GPR137C: variants seen among roughly 807,000 people sequenced by gnomAD.
GPR137C encodes the protein G protein-coupled receptor 137C, also known as integral membrane protein GPR137C.
Under a neutral mutation model 43.4 loss-of-function variants are expected in GPR137C, and 27 were observed. The observed-to-expected ratio is 0.62, with a 90% CI of 0.46 to 0.86. GPR137C has a LOEUF of 0.86. Among genes scored for constraint, GPR137C ranks in the 40% least tolerant of loss-of-function variants. GPR137C has a pLI of 0.00. For missense variants in GPR137C, 522 were observed against 534.6 expected, an observed-to-expected ratio of 0.98 and a Z score of 0.23; for synonymous variants, 285 against 226.9, an observed-to-expected ratio of 1.26 and a Z score of -2.30.
chr14:52,553,510 C>G lies in GPR137C; in HGVS notation c.363C>G (p.Phe121Leu). ...TCCGGCCGCCCGCTCACCTGCACTT[C>G]TTCCCCCACTGGCTGCTCTACTGCT... The part of the protein sequence containing the change: ...PLLRPPAHLH[F>L]FPHWLLYCFP... Residue 121 changes from phenylalanine (F) to leucine (L), a missense_variant, in exon 1 of 7, where the codon TTC (phenylalanine) becomes TTG (leucine). By Grantham distance (22) the Phe-to-Leu change is conservative (BLOSUM62 0). Around this residue, in one of 3 missense-constraint regions of GPR137C, gnomAD observed 437 missense variants for 425.7 expected, o/e 1.03. Transcript: ENST00000321662. 6.2e-7 allele frequency: 1 copy of G among 1,609,408 alleles called. No homozygotes were observed.
Position 52,553,384 on chromosome 14 carries a change from G to A in GPR137C, c.237G>A (p.Leu79=). The A allele has an allele frequency of 6.2e-7, 1 of 1,605,968 alleles. No homozygotes were observed. The highest frequency in any genetic ancestry group is 8.5e-7 in the Non-Finnish European group (1 of 1,179,450). The part of the protein sequence containing the change: ...WRLLLYRERR[L]SYQSLCLFLC... ...TGCTCCTGTACCGCGAGCGGCGGCT[G>A]AGTTACCAGAGCCTCTGCCTCTTCC... Residue 79 remains leucine, a synonymous_variant, in exon 1 of 7, where the codon CTG becomes CTA. Transcript: ENST00000321662.
intron 1 of GPR137C, among the ~76,000 whole-genome samples, chr14:52,582,511 TGG>T (rs1365382732): frequency 6.6e-6 from 1 of 152,214 alleles, no homozygotes; most frequent in East Asian, 1.9e-4. Context: ...TGGAAATATC[TGG>T]CCGGGCATGG....
At chr14:52,578,954 A>G (rs1434370114) in intron 1 of GPR137C, among the ~76,000 whole-genome samples, 1 of 152,144 alleles carries the variant, frequency 6.6e-6, no homozygotes, top group African/African-American at 2.4e-5. Flanking sequence ...CAAAAAAAAA[A>G]AAAAAGAATG....
intron 1 of GPR137C, among the ~76,000 whole-genome samples, chr14:52,586,183 C>T (rs2038711485): frequency 6.6e-6 from 1 of 152,164 alleles, no homozygotes; most frequent in Admixed American, 6.6e-5. Context: ...TCCTTCTGAC[C>T]TTAAAGTAAA....
chr14:52,553,367 T>A lies in GPR137C; in HGVS notation c.220T>A (p.Tyr74Asn). The A allele has an allele frequency of 6.2e-7, 1 of 1,604,706 alleles. No homozygotes were observed. Among genetic ancestry groups the A allele is most frequent in the Non-Finnish European group, 8.5e-7 (1 of 1,179,134 alleles). ...CCTGCAGCTGTGGCGGCTGCTCCTG[T>A]ACCGCGAGCGGCGGCTGAGTTACCA... ...AYLQLWRLLLYRERRLSYQSL... is the reference protein window; with the variant it reads ...AYLQLWRLLLNRERRLSYQSL... Residue 74 changes from tyrosine to asparagine, a missense_variant, in exon 1 of 7, where the codon TAC (tyrosine) becomes AAC (asparagine). Physicochemically the swap from Tyr to Asn is moderately radical, Grantham distance 143 (BLOSUM62 -2). Coordinates refer to ENST00000321662, the MANE Select transcript of GPR137C (RefSeq NM_001099652.2).
intron 3 of GPR137C, among the ~76,000 whole-genome samples, chr14:52,619,386 T>G (rs889018387): frequency 2.2e-4 from 34 of 152,162 alleles, no homozygotes; most frequent in African/African-American, 8.0e-4. Context: ...GATTGCCACC[T>G]TCCTAATATT....
In GPR137C at chr14:52,610,029, C is replaced by T. The variant is rs190755222; in HGVS notation, c.717+9688C>T. On this transcript the variant is annotated intron_variant, in intron 3 of 6. Transcript: ENST00000321662. ...AGACTTTGTATTGTATATATTGTTC[C>T]CTCTGCCTAAATTGCATTTTCTACA... Among the ~76,000 whole-genome samples, 160 of 152,198 alleles carry T rather than the reference C, an allele frequency of 1.1e-3. 1 individual carries two copies. The highest frequency in any genetic ancestry group is 3.6e-3 in the African/African-American group (150 of 41,526).
chr14:52,629,019 A>G (rs113264544), intron 3 of GPR137C, among the ~76,000 whole-genome samples: 1 of 152,364 alleles, frequency 6.6e-6, no homozygotes, highest in African/African-American at 2.4e-5. Context: ...CAAATGGCCA[A>G]TAACACAATA....
intron 1 of GPR137C, among the ~76,000 whole-genome samples, chr14:52,584,498 T>C (rs891781247): frequency 6.6e-6 from 1 of 152,182 alleles, no homozygotes; most frequent in Non-Finnish European, 1.5e-5. Context: ...CTTTTGTGCA[T>C]GTTTGTGGTC....
At chr14:52,634,072 A>C in intron 6 of GPR137C, 126 bp downstream of exon 6, 1 of 649,852 alleles carries the variant, frequency 1.5e-6, no homozygotes, top group Non-Finnish European at 2.8e-6. Context: ...TAAGATCGGC[A>C]ATACTGGAGT....
chr14:52,611,866 T>C (rs1014934651), intron 3 of GPR137C: 1 of 810,486 alleles, frequency 1.2e-6, no homozygotes, highest in Non-Finnish European at 1.5e-6. Context: ...GTATGGAAAG[T>C]CATAGTATAT....
chr14:52,559,263 C>T (rs1160593961), intron 1 of GPR137C, among the ~76,000 whole-genome samples: 4 of 152,014 alleles, frequency 2.6e-5, no homozygotes. Flanking sequence ...GTAGTTCCAG[C>T]TACCCGGGAA....
intron 1 of GPR137C, among the ~76,000 whole-genome samples, chr14:52,570,344 A>G (rs1056989675): frequency 2.6e-5 from 4 of 152,196 alleles, no homozygotes; most frequent in African/African-American, 9.7e-5. Context: ...CTTCTGAAGG[A>G]AGCACTAAAT....
chr14:52,564,263 A>G (rs2139443232), intron 1 of GPR137C, among the ~76,000 whole-genome samples: 1 of 132,942 alleles, frequency 7.5e-6, no homozygotes, highest in Admixed American at 8.1e-5. Flanking sequence ...CAACAGAGTG[A>G]GACTTCGTCT....
chr14:52,613,529 C>G, intron 3 of GPR137C: 1 of 155,532 alleles, frequency 6.4e-6, no homozygotes, highest in Admixed American at 6.5e-5. Flanking sequence ...CCTCTGGTAA[C>G]CATCCTTCTA....
intron 3 of GPR137C, chr14:52,612,458 T>C: frequency 1.0e-6 from 1 of 983,286 alleles, no homozygotes; most frequent in South Asian, 4.7e-5. Flanking sequence ...GTTTTGCTTT[T>C]TATTTTTAGT....
At chr14:52,585,103 A>C (rs1054546714) in intron 1 of GPR137C, among the ~76,000 whole-genome samples, 1 of 152,144 alleles carries the variant, frequency 6.6e-6, no homozygotes, top group African/African-American at 2.4e-5. Context: ...CTTGCCACCT[A>C]CTTTCCTAGA....
In GPR137C at chr14:52,634,971, C is replaced by T. The variant is rs777960857; in HGVS notation, c.1146C>T (p.Gly382=). ...ATTCGCAAAGTTTGGGCTGGTATGGCACCATGACTGGGTGTGGCAGCAGCA... is the reference window on the plus strand; with the variant it reads ...ATTCGCAAAGTTTGGGCTGGTATGGTACCATGACTGGGTGTGGCAGCAGCA... ...LPNSQSLGWY[G]TMTGCGSSSY... is the part of the protein sequence containing the mutation. The change falls in exon 7 of 7, where the codon GGC becomes GGT. Residue 382 remains glycine (G), a synonymous_variant. Coordinates refer to ENST00000321662, the MANE Select transcript of GPR137C (RefSeq NM_001099652.2). 1 of 1,612,582 alleles carries T rather than the reference C, an allele frequency of 6.2e-7. No homozygotes were observed. Among genetic ancestry groups the T allele is most frequent in the Non-Finnish European group, 8.5e-7 (1 of 1,179,294 alleles).
At chr14:52,559,150 G>A (rs1044903839) in intron 1 of GPR137C, among the ~76,000 whole-genome samples, 1 of 152,182 alleles carries the variant, frequency 6.6e-6, no homozygotes, top group African/African-American at 2.4e-5. Flanking sequence ...GGCCAAGGCA[G>A]GCAGATACAA....
Sources: allele counts gnomAD v4.1 joint callset (sites outside exome capture counted in the v4.1 genomes callset), GRCh38; gene constraint gnomAD v4.1.1; regional missense constraint gnomAD v4.1.1; transcripts MANE v1.5; gene names NCBI Gene and HGNC (gene_info 2026-07-23, HGNC 2026-07-21).